Variants in AGBL1 observed in about 807,000 individuals in gnomAD.
AGBL1 encodes the protein AGBL carboxypeptidase 1, also known as cytosolic carboxypeptidase 4.
AGBL1 carries 130 observed loss-of-function variants against 118.9 expected under a neutral mutation model. That is an observed-to-expected ratio of 1.09 (90% confidence interval 0.95 to 1.26). The LOEUF is 1.26. Among genes scored for constraint, AGBL1 ranks in the 50% most tolerant of loss-of-function variants. The pLI is 0.00. For synonymous variants in AGBL1, 555 were observed against 478.9 expected (o/e 1.16, Z -2.08); for missense variants, 1,584 against 1,298.1 (o/e 1.22, Z -3.38).
intron 19 of AGBL1, among the ~76,000 whole-genome samples, chr15:86,533,597 C>T (rs992896364): frequency 2.2e-5 from 3 of 139,366 alleles, no homozygotes; most frequent in African/African-American, 8.8e-5. Flanking sequence ...TTGGACCCAG[C>T]CATCCCATTA....
In AGBL1 at chr15:86,279,687, G is replaced by T; in HGVS notation, c.2124G>T (p.Lys708Asn). ...STAVAGGASG[K>N]CYYTLTFAVT... ...CTGTTGCAGGCGGAGCATCTGGGAA[G>T]TGCTACTATACCCTCACCTTTGCTG... The change falls in exon 16 of 23, where the codon AAG becomes AAT. Residue 708 changes from lysine (K) to asparagine (N), a missense_variant. Lys to Asn is a moderately conservative substitution (Grantham distance 94). Coordinates refer to ENST00000614907, the MANE Select transcript of AGBL1 (RefSeq NM_001386094.1). 6.2e-7 allele frequency: 1 copy of T among 1,613,494 alleles called. No homozygotes were observed. Among genetic ancestry groups the T allele is most frequent in the Non-Finnish European group, 8.5e-7 (1 of 1,179,512 alleles).
chr15:86,917,712 C>A (rs528688211), downstream of AGBL1, among the ~76,000 whole-genome samples: 1 of 152,156 alleles, frequency 6.6e-6, no homozygotes, highest in East Asian at 1.9e-4. This position sits in a 1 kb window ranked among gnomAD's most constrained non-coding sequence, Gnocchi z 4.8. Flanking sequence ...TGAAAAGCTG[C>A]TCTGCTGTGC....
intron 22 of AGBL1, among the ~76,000 whole-genome samples, chr15:86,742,618 G>C (rs573684881): frequency 6.6e-6 from 1 of 152,076 alleles, no homozygotes; most frequent in Admixed American, 6.6e-5. Context: ...CTCCCCGTAG[G>C]CCAGTCTCAG....
At chr15:86,863,684 C>A (rs2079589076) in intron 22 of AGBL1, among the ~76,000 whole-genome samples, 1 of 152,144 alleles carries the variant, frequency 6.6e-6, no homozygotes, top group Admixed American at 6.5e-5. Context: ...GAGTAGCAAG[C>A]ATTTCATATT....
chr15:86,772,834 C>T (rs990670863), intron 22 of AGBL1, among the ~76,000 whole-genome samples: 1 of 152,022 alleles, frequency 6.6e-6, no homozygotes, highest in Non-Finnish European at 1.5e-5. Flanking sequence ...GAGCAACATG[C>T]ATGCTATTGC....
chr15:86,906,995 C>A (rs1264816657), intron 22 of AGBL1, 92 bp from the exon 23 acceptor site: 1 of 152,270 alleles, frequency 6.6e-6, no homozygotes, highest in African/African-American at 2.4e-5. Context: ...TCCCCATCTT[C>A]CTCCTTCTAC....
At chr15:86,790,178 C>A (rs555841827) in intron 22 of AGBL1, among the ~76,000 whole-genome samples, 1 of 152,198 alleles carries the variant, frequency 6.6e-6, no homozygotes, top group South Asian at 2.1e-4. Flanking sequence ...CAGAAAGAAA[C>A]TTCAGGTGAG....
intron 17 of AGBL1, among the ~76,000 whole-genome samples, chr15:86,382,468 G>C (rs1229599408): frequency 1.3e-5 from 2 of 152,074 alleles, no homozygotes; most frequent in East Asian, 3.9e-4. Context: ...TGGCCTGCCA[G>C]GGGCTCTTTC....
At chr15:86,980,503 C>T (rs2081221062) in intron 23 of AGBL1, among the ~76,000 whole-genome samples, 1 of 152,106 alleles carries the variant, frequency 6.6e-6, no homozygotes, top group African/African-American at 2.4e-5. Context: ...GAAGCCTAAT[C>T]CTCTGTCAAT....
chr15:86,927,927 T>C (rs2080562383), intron 23 of AGBL1, among the ~76,000 whole-genome samples: 2 of 86,082 alleles, frequency 2.3e-5, no homozygotes, highest in Admixed American at 2.3e-4. Context: ...TTCATAGTTT[T>C]ATATATGCAT....
chr15:86,800,936 G>C (rs920770254), intron 22 of AGBL1, among the ~76,000 whole-genome samples: 1 of 152,034 alleles, frequency 6.6e-6, no homozygotes, highest in Non-Finnish European at 1.5e-5. Context: ...CATTTTAAGG[G>C]GTGAGATGCA....
intron 22 of AGBL1, among the ~76,000 whole-genome samples, chr15:86,901,152 C>A (rs1251573751): frequency 6.6e-6 from 1 of 152,050 alleles, no homozygotes; most frequent in Admixed American, 6.6e-5. Flanking sequence ...TTCCACATTG[C>A]AAGACTTTTC....
chr15:86,526,388 T>C (rs755473276), intron 19 of AGBL1, among the ~76,000 whole-genome samples: 6 of 151,852 alleles, frequency 4.0e-5, no homozygotes, highest in Non-Finnish European at 8.8e-5. Flanking sequence ...AATAAAAAAG[T>C]TATTGTATTA....
intron 18 of AGBL1, among the ~76,000 whole-genome samples, chr15:86,397,776 T>G (rs1336619413): frequency 6.6e-6 from 1 of 152,190 alleles, no homozygotes; most frequent in East Asian, 1.9e-4. Context: ...GGAGGATCAC[T>G]TGAGACTTGG....
At position 86,395,522 on chromosome 15, in the gene AGBL1, C is replaced by T. The variant is rs78567373; in HGVS notation, c.2375-1844C>T. ...TTGTCACTACTGACAAATGCTATGGCCTCTTAGAGAACAAGGACTATAATT... is the reference window on the plus strand; with the variant it reads ...TTGTCACTACTGACAAATGCTATGGTCTCTTAGAGAACAAGGACTATAATT... On this transcript the variant is annotated intron_variant, in intron 17 of 22. Coordinates refer to ENST00000614907, the MANE Select transcript of AGBL1 (RefSeq NM_001386094.1). Among the ~76,000 whole-genome samples the T allele has an allele frequency of 5.9e-5, 9 of 152,152 alleles. No homozygotes were observed. The East Asian group carries it at 1.7e-3, about 29-fold the overall frequency.
intron 22 of AGBL1, among the ~76,000 whole-genome samples, chr15:86,716,613 C>G (rs1456226796): frequency 6.6e-6 from 1 of 152,292 alleles, no homozygotes; most frequent in East Asian, 1.9e-4. Flanking sequence ...ACGGCTATCT[C>G]CAGCCAATAC....
chr15:86,707,158 C>T (rs1375543828), intron 22 of AGBL1, among the ~76,000 whole-genome samples: 1 of 152,134 alleles, frequency 6.6e-6, no homozygotes, highest in Non-Finnish European at 1.5e-5. Flanking sequence ...ACCTGACATA[C>T]AGGGATTCCT....
chr15:86,258,092 T>C (rs1489928483), intron 9 of AGBL1, 61 bp downstream of exon 9: 1 of 1,545,848 alleles, frequency 6.5e-7, no homozygotes, highest in Non-Finnish European at 8.8e-7. Flanking sequence ...CAGAAAAATA[T>C]TACTTCCTGT....
chr15:87,010,704 T>G (rs150749572), intron 24 of AGBL1, among the ~76,000 whole-genome samples: 147 of 152,318 alleles, frequency 9.7e-4, no homozygotes, highest in African/African-American at 3.3e-3. Context: ...GCATTTAGAC[T>G]TGGACTAAGC....
Sources: allele counts gnomAD v4.1 joint callset (sites outside exome capture counted in the v4.1 genomes callset), GRCh38; gene constraint gnomAD v4.1.1; non-coding constraint Gnocchi (gnomAD v3.1); transcripts MANE v1.5; gene names NCBI Gene and HGNC (gene_info 2026-07-23, HGNC 2026-07-21).